Variants in GC observed in about 807,000 individuals in gnomAD.
GC encodes GC vitamin D binding protein.
In GC, 43 loss-of-function variants were observed where a neutral mutation model predicts 56.7. The ratio of observed to expected loss-of-function variants is 0.76; its 90% CI spans 0.59 to 0.98. The LOEUF is 0.98. Among genes scored for constraint, GC ranks in the 50% least tolerant of loss-of-function variants. The pLI is 0.00. For synonymous variants in GC, 216 were observed against 202.7 expected, an observed-to-expected ratio of 1.07 and a Z score of -0.56; for missense variants, 529 against 545.9, an observed-to-expected ratio of 0.97 and a Z score of 0.31.
At position 71,803,838 on chromosome 4, in the gene GC, A is replaced by G. The variant is rs1743303550; in HGVS notation, c.21+88T>C. 19 of 764,804 alleles carry G rather than the reference A, an allele frequency of 2.5e-5. 1 individual carries two copies. In the South Asian group the frequency reaches 2.8e-4, roughly 11 times the overall value. The allele number at this position is 764,804 out of a possible 1,614,324, so 47.4% of individuals were successfully genotyped here. A position where few individuals can be genotyped will look rare whatever the true frequency, so the allele number is the denominator to read the frequency against. On this transcript the variant is annotated intron_variant, in intron 1 of 13. Transcript: ENST00000504199. ...ACAGAAATCCTCTGTGTTGGTAGTC[A>G]GAACATTGTAAATTCATTTTATAAG...
chr4:71,746,594 A>G (rs1741373403), intron 11 of GC, among the ~76,000 whole-genome samples: 1 of 151,900 alleles, frequency 6.6e-6, no homozygotes. Context: ...GGCAAGCCTG[A>G]TGAGAAATAG....
intron 1 of GC, among the ~76,000 whole-genome samples, chr4:71,798,518 T>G (rs1251124855): frequency 3.9e-5 from 6 of 152,220 alleles, no homozygotes; most frequent in African/African-American, 1.4e-4. Flanking sequence ...TTAATCATCT[T>G]GAACCTGTGT....
chr4:71,801,967 A>G (rs1743264600), intron 1 of GC, among the ~76,000 whole-genome samples: 3 of 151,380 alleles, frequency 2.0e-5, no homozygotes, highest in Admixed American at 2.0e-4. Context: ...TACTGGAAAG[A>G]CTAAGTGTTT....
chr4:71,780,767 A>G (rs1455682751), intron 1 of GC, among the ~76,000 whole-genome samples: 1 of 152,186 alleles, frequency 6.6e-6, no homozygotes, highest in Non-Finnish European at 1.5e-5. Flanking sequence ...AGACACAGGA[A>G]CACTTCTACA....
In GC at chr4:71,764,680, T is replaced by C. The variant is rs148844719; in HGVS notation, c.474-744A>G. ...TAATTTCTATTTCTGGGAATAGATG[T>C]CCTTATGGATCTAAAAGGGACTGAA... On this transcript the variant is annotated intron_variant, in intron 4 of 12. Transcript: ENST00000273951. Among the ~76,000 whole-genome samples the C allele has an allele frequency of 4.7e-4, 71 of 152,346 alleles. 3 individuals are homozygous for C. In the East Asian group the frequency reaches 0.014, roughly 29 times the overall value.
chr4:71,767,149 A>T (rs116480775), intron 3 of GC, among the ~76,000 whole-genome samples: 3,997 of 152,286 alleles, frequency 0.026, 171 homozygotes, highest in African/African-American at 0.091. Flanking sequence ...GATAAGGGAC[A>T]GGTAAAGCAA....
chr4:71,801,595 A>G (rs1743254506), intron 1 of GC, among the ~76,000 whole-genome samples: 3 of 152,168 alleles, frequency 2.0e-5, no homozygotes, highest in Non-Finnish European at 4.4e-5. Context: ...CCAACACATG[A>G]AAACAGGGAC....
chr4:71,754,534 C>T (rs1418180526), intron 9 of GC, 26 bp from the exon 10 acceptor site: 3 of 1,169,208 alleles, frequency 2.6e-6, no homozygotes, highest in Non-Finnish European at 3.8e-6. Context: ...AATTGCATAA[C>T]AAAATTATTT....
intron 1 of GC, among the ~76,000 whole-genome samples, chr4:71,777,354 A>G (rs1024093702): frequency 2.0e-5 from 3 of 151,848 alleles, no homozygotes; most frequent in South Asian, 4.2e-4. Context: ...ATAGCACTTC[A>G]TTTGTCTTAG....
intron 1 of GC, among the ~76,000 whole-genome samples, chr4:71,782,371 G>A (rs1197332459): frequency 6.6e-6 from 1 of 151,768 alleles, no homozygotes; most frequent in Admixed American, 6.6e-5. Context: ...TCAGGTATTA[G>A]AGAATAGAGA....
chr4:71,758,011 A>C (rs749094285), intron 7 of GC, 31 bp downstream of exon 7: 31 of 1,602,220 alleles, frequency 1.9e-5, no homozygotes, highest in Non-Finnish European at 2.6e-5. Flanking sequence ...TACCTGGCAC[A>C]TGGTGATAAT....
intron 12 of GC, among the ~76,000 whole-genome samples, chr4:71,744,341 C>G (rs1488261435): frequency 6.6e-6 from 1 of 150,980 alleles, no homozygotes; most frequent in African/African-American, 2.4e-5. Context: ...CGCCTGTAGC[C>G]CCAGCTCCTC....
chr4:71,754,358 T>C, intron 10 of GC, 53 bp downstream of exon 10: 2 of 829,048 alleles, frequency 2.4e-6, no homozygotes, highest in South Asian at 3.0e-5. Flanking sequence ...TTCATAGTAC[T>C]ATGAAAATAT....
At chr4:71,797,923 T>C (rs1319594484) in intron 1 of GC, among the ~76,000 whole-genome samples, 1 of 152,228 alleles carries the variant, frequency 6.6e-6, no homozygotes, top group Non-Finnish European at 1.5e-5. Flanking sequence ...CTAGATGACT[T>C]TCCTGCCCTG....
intron 1 of GC, among the ~76,000 whole-genome samples, chr4:71,791,611 T>C (rs1742969116): frequency 6.6e-6 from 1 of 152,032 alleles, no homozygotes; most frequent in Non-Finnish European, 1.5e-5. Context: ...TCATCAGAGG[T>C]TGTAGTTTCC....
chr4:71,747,006 T>C (rs1741398869), intron 11 of GC, among the ~76,000 whole-genome samples: 1 of 151,850 alleles, frequency 6.6e-6, no homozygotes, highest in African/African-American at 2.4e-5. Flanking sequence ...AGAATGTGGG[T>C]GGGAGATTGA....
intron 10 of GC, 135 bp downstream of exon 10, chr4:71,754,276 A>G: frequency 1.7e-6 from 1 of 592,020 alleles, no homozygotes; most frequent in Non-Finnish European, 3.0e-6. Flanking sequence ...ACTACTTTAA[A>G]AAACTCCTAA....
chr4:71,762,699 A>C (rs1279422818), intron 6 of GC, among the ~76,000 whole-genome samples: 1 of 152,102 alleles, frequency 6.6e-6, no homozygotes, highest in African/African-American at 2.4e-5. Flanking sequence ...ATGATAGTGA[A>C]TGAGTTTCAT....
chr4:71,779,602 A>G (rs910135801), intron 1 of GC, among the ~76,000 whole-genome samples: 3 of 151,906 alleles, frequency 2.0e-5, no homozygotes, highest in Non-Finnish European at 2.9e-5. Flanking sequence ...TGAAGAAGTT[A>G]GGTGACCAAA....
Sources: allele counts gnomAD v4.1 joint callset (sites outside exome capture counted in the v4.1 genomes callset), GRCh38; gene constraint gnomAD v4.1.1; transcripts MANE v1.5; gene names NCBI Gene and HGNC (gene_info 2026-07-23, HGNC 2026-07-21).